Variants in ANKRD11 observed in about 807,000 individuals in gnomAD.
ANKRD11 encodes the protein ankyrin repeat domain-containing protein 11.
A neutral mutation model predicts 195.7 loss-of-function variants in ANKRD11; 17 were observed. That is an observed-to-expected ratio of 0.09 (90% confidence interval 0.06 to 0.13). The LOEUF (loss-of-function observed/expected upper bound fraction) is 0.13. ANKRD11 is among the 10% of genes least tolerant of loss of function. The pLI is 1.00. For missense variants in ANKRD11, 3,735 were observed against 3,566.1 expected, an observed-to-expected ratio of 1.05 and a Z score of -1.21; for synonymous variants, 1,953 against 1,528.1, an observed-to-expected ratio of 1.28 and a Z score of -6.49.
intron 1 of ANKRD11, among the ~76,000 whole-genome samples, chr16:89,480,987 G>A (rs950721533): frequency 3.9e-5 from 6 of 152,112 alleles, no homozygotes; most frequent in Non-Finnish European, 8.8e-5. Flanking sequence ...GGCAGAGAAT[G>A]GAGAGTGACA....
chr16:89,444,497 T>C (rs2043691439), intron 1 of ANKRD11, among the ~76,000 whole-genome samples: 1 of 152,118 alleles, frequency 6.6e-6, no homozygotes, highest in African/African-American at 2.4e-5. Flanking sequence ...GTGTAGGGTT[T>C]GCCATCAGCG....
At chr16:89,386,196 C>T (rs954576376) in intron 2 of ANKRD11, among the ~76,000 whole-genome samples, 1 of 152,046 alleles carries the variant, frequency 6.6e-6, no homozygotes, top group African/African-American at 2.4e-5. Context: ...AAGTTTAAAA[C>T]AAAATGGAAA....
intron 1 of ANKRD11, among the ~76,000 whole-genome samples, chr16:89,427,364 G>GT (rs2042758798): frequency 6.6e-6 from 1 of 152,220 alleles, no homozygotes; most frequent in African/African-American, 2.4e-5. Context: ...ATTCAGTGCA[G>GT]TAACTATCAG....
chr16:89,353,064 G>C (rs1362423187), intron 2 of ANKRD11, among the ~76,000 whole-genome samples: 1 of 152,176 alleles, frequency 6.6e-6, no homozygotes, highest in Non-Finnish European at 1.5e-5. Flanking sequence ...GTAGGGCTGG[G>C]CGCGGTGGCT....
rs1472706911 is a variant in ANKRD11 at position 89,325,467 on chromosome 16, T to TCACACACA, written c.-59-8390_-59-8389insTGTGTGTG. The stretch of plus-strand genomic sequence containing the variant: ...CCCCTCTCCTCTCTCTCTCTCTCTC[T>TCACACACA]CTCACACACACACACACACACACAC... On this transcript the variant is annotated intron_variant, in intron 2 of 12. Coordinates refer to ENST00000301030, the MANE Select transcript of ANKRD11 (RefSeq NM_013275.6). 4.3e-5 allele frequency among the ~76,000 whole-genome samples: 6 copies of TCACACACA among 140,604 alleles called. No individual in the cohort carries two copies. In the Middle Eastern group the frequency reaches 0.014, roughly 325 times the overall value. 92.2% of individuals were successfully genotyped at this position (140,604 alleles called of 152,430 possible). A position where few individuals can be genotyped will look rare whatever the true frequency, so the allele number is the denominator to read the frequency against.
chr16:89,478,520 A>C (rs569994043), intron 1 of ANKRD11, among the ~76,000 whole-genome samples: 55 of 152,288 alleles, frequency 3.6e-4, no homozygotes, highest in East Asian at 7.7e-4. Flanking sequence ...TCAAGGACCC[A>C]CTGCCCTCCA....
intron 2 of ANKRD11, among the ~76,000 whole-genome samples, chr16:89,355,444 T>C (rs538557942): frequency 7.2e-5 from 11 of 152,304 alleles, no homozygotes; most frequent in African/African-American, 2.6e-4. Flanking sequence ...ACTGTTTGCC[T>C]GAAAGACCTA....
At chr16:89,290,228 GAGGCTCAGGGCTCCAGCGGGGGGT>G (rs537808344) in intron 6 of ANKRD11, among the ~76,000 whole-genome samples, 76,110 of 124,018 alleles carry the variant, frequency 0.61, 26,071 homozygotes, top group Non-Finnish European at 0.71. Context: ...TCCAATGGGG[GAGGCTCAGGGCTCCAGCGGGGGGT>G]AGGCTCAGGG....
chr16:89,276,638 G>A (rs936133074), intron 9 of ANKRD11, among the ~76,000 whole-genome samples: 3 of 152,256 alleles, frequency 2.0e-5, no homozygotes, highest in African/African-American at 4.8e-5. Flanking sequence ...CAGCGTGGAC[G>A]CACGGCAGGG....
intron 2 of ANKRD11, among the ~76,000 whole-genome samples, chr16:89,368,058 T>C (rs2040024695): frequency 6.6e-6 from 1 of 152,190 alleles, no homozygotes; most frequent in African/African-American, 2.4e-5. Context: ...CTGTGCTCCG[T>C]TTATCTGAAA....
intron 4 of ANKRD11, among the ~76,000 whole-genome samples, chr16:89,296,086 T>C (rs1296289410): frequency 1.5e-5 from 2 of 134,468 alleles, no homozygotes; most frequent in East Asian, 4.7e-4. Context: ...CCTCCCAGGC[T>C]CAAGCGACCC....
At chr16:89,454,508 T>C (rs538621698) in intron 1 of ANKRD11, among the ~76,000 whole-genome samples, 2 of 152,314 alleles carry the variant, frequency 1.3e-5, no homozygotes, top group African/African-American at 2.4e-5. Flanking sequence ...GCCAATTTTC[T>C]CCTTCACAAA....
intron 2 of ANKRD11, among the ~76,000 whole-genome samples, chr16:89,412,895 A>C (rs1243418810): frequency 1.3e-5 from 2 of 152,200 alleles, no homozygotes; most frequent in Non-Finnish European, 2.9e-5. Flanking sequence ...CAGAGGACAG[A>C]GGACAGCAGA....
chr16:89,480,353 T>C (rs897556892), intron 1 of ANKRD11, among the ~76,000 whole-genome samples: 9 of 151,166 alleles, frequency 6.0e-5, no homozygotes, highest in Non-Finnish European at 8.8e-5. Context: ...GGTGGGTGCC[T>C]GTAGTCCCAG....
intron 2 of ANKRD11, among the ~76,000 whole-genome samples, chr16:89,318,143 C>T (rs74808187): frequency 0.038 from 5,745 of 152,316 alleles, 349 homozygotes; most frequent in East Asian, 0.26. Context: ...CTGCGACACA[C>T]GGTGCGAGCG....
rs988520695 is a variant in ANKRD11 at position 89,284,526 on chromosome 16, T to C, written c.2016A>G (p.Ile672Met). Residue 672 changes from isoleucine (I) to methionine (M), a missense_variant, in exon 9 of 13, where the codon ATA becomes ATG. By Grantham distance (10) the Ile-to-Met change is conservative. Coordinates refer to ENST00000301030, the MANE Select transcript of ANKRD11 (RefSeq NM_013275.6). Reference protein sequence around the residue: ...EDSKQKSDKAILLENDLSTEN... With the variant: ...EDSKQKSDKAMLLENDLSTEN... ...CAGTGGAAAGATCATTCTCTAACAG[T>C]ATAGCCTTATCTGACTTCTGCTTGG... 1.9e-6 allele frequency: 3 copies of C among 1,614,162 alleles called. No individual in the cohort carries two copies. The highest frequency in any genetic ancestry group is 3.3e-5 in the Admixed American group (2 of 60,016).
intron 2 of ANKRD11, among the ~76,000 whole-genome samples, chr16:89,342,921 A>T (rs2038759183): frequency 6.6e-6 from 1 of 152,240 alleles, no homozygotes; most frequent in South Asian, 2.1e-4. Flanking sequence ...CATATCCCAG[A>T]GCCCAAAACA....
Position 89,280,453 on chromosome 16 carries a change from G to A in ANKRD11, c.6089C>T (p.Ala2030Val). The part of the protein sequence containing the change: ...ASPAPYALPV[A>V]EPGLEDVKDG... ...CTTGACGTCCTCCAGCCCCGGCTCAGCGACGGGCAGAGCGTACGGGGCAGG... is the reference window on the plus strand; with the variant it reads ...CTTGACGTCCTCCAGCCCCGGCTCAACGACGGGCAGAGCGTACGGGGCAGG... The change falls in exon 9 of 13, where the codon GCT becomes GTT. Residue 2030 changes from alanine (A) to valine (V), a missense_variant. Coordinates refer to ENST00000301030, the MANE Select transcript of ANKRD11 (RefSeq NM_013275.6). 6.3e-7 allele frequency: 1 copy of A among 1,590,832 alleles called. No homozygotes were observed. Among genetic ancestry groups the A allele is most frequent in the Non-Finnish European group, 8.6e-7 (1 of 1,167,098 alleles).
Position 89,282,756 on chromosome 16 carries a change from T to C in ANKRD11, c.3786A>G (p.Lys1262=). 1 of 1,613,304 alleles carries C rather than the reference T, an allele frequency of 6.2e-7. No individual in the cohort carries two copies. Among genetic ancestry groups the C allele is most frequent in the Non-Finnish European group, 8.5e-7 (1 of 1,179,998 alleles). The part of the protein sequence containing the change: ...AKSKHKEKSD[K]EHSKERKSSR... Reference sequence around the variant, plus strand: ...AGGACTTCCTCTCCTTGGAATGTTCTTTGTCCGACTTCTCTTTGTGTTTGC... The same window carrying C: ...AGGACTTCCTCTCCTTGGAATGTTCCTTGTCCGACTTCTCTTTGTGTTTGC... The change falls in exon 9 of 13, where the codon AAA becomes AAG. Residue 1262 remains lysine, a synonymous_variant. Coordinates refer to ENST00000301030, the MANE Select transcript of ANKRD11 (RefSeq NM_013275.6).
Sources: allele counts gnomAD v4.1 joint callset (sites outside exome capture counted in the v4.1 genomes callset), GRCh38; gene constraint gnomAD v4.1.1; transcripts MANE v1.5; gene names NCBI Gene and HGNC (gene_info 2026-07-23, HGNC 2026-07-21).